Variants in NR5A2 observed in about 807,000 individuals in gnomAD.
NR5A2 encodes the protein CYP7A promoter-binding factor.
NR5A2 carries 26 observed loss-of-function variants against 62.7 expected under a neutral mutation model. The ratio of observed to expected loss-of-function variants is 0.41; its 90% confidence interval spans 0.30 to 0.58. NR5A2 has a LOEUF of 0.58. NR5A2 is among the 20% of genes least tolerant of loss of function. The probability of loss-of-function intolerance (pLI) is 0.22; values close to 1 mark genes in which losing one functional copy is unlikely to be tolerated. For missense variants in NR5A2, 541 were observed against 669.1 expected (o/e 0.81, Z 2.11); for synonymous variants, 246 against 241.7 (o/e 1.02, Z -0.16).
At chr1:200,093,927 C>T (rs1367456519) in intron 5 of NR5A2, among the ~76,000 whole-genome samples, 4 of 152,106 alleles carry the variant, frequency 2.6e-5, no homozygotes, top group African/African-American at 4.8e-5. Flanking sequence ...GAGGCTGAGG[C>T]GGGCGGATCA....
At chr1:200,082,452 A>G (rs768351978) in intron 5 of NR5A2, among the ~76,000 whole-genome samples, 11 of 152,232 alleles carry the variant, frequency 7.2e-5, no homozygotes, top group Admixed American at 2.0e-4. Context: ...AGTACTTTGT[A>G]TCAATTATTT....
intron 5 of NR5A2, among the ~76,000 whole-genome samples, chr1:200,072,413 T>C (rs988335312): frequency 6.6e-6 from 1 of 152,190 alleles, no homozygotes; most frequent in African/African-American, 2.4e-5. Flanking sequence ...ATTTGAATGA[T>C]TTGAGAATGC....
intron 5 of NR5A2, among the ~76,000 whole-genome samples, chr1:200,089,340 G>A (rs1285205861): frequency 1.3e-5 from 2 of 151,408 alleles, no homozygotes; most frequent in Non-Finnish European, 2.9e-5. Context: ...ACAGCCTCCC[G>A]AGTAGAGACT....
intron 2 of NR5A2, 72 bp from the exon 3 acceptor site, chr1:200,043,702 C>CT (rs1279850973): frequency 1.1e-5 from 10 of 948,828 alleles, no homozygotes; most frequent in Non-Finnish European, 1.6e-5. Context: ...CACCAAAATG[C>CT]TTTTTGTTGC....
chr1:200,095,129 GAAAAA>G (rs5780009), intron 5 of NR5A2, among the ~76,000 whole-genome samples: 3 of 147,922 alleles, frequency 2.0e-5, no homozygotes, highest in African/African-American at 7.5e-5. Flanking sequence ...TTAATAAAAA[GAAAAA>G]AAAAAAAAAG....
intron 7 of NR5A2, among the ~76,000 whole-genome samples, chr1:200,137,137 A>ATTTT (rs1194394148): frequency 7.8e-6 from 1 of 127,986 alleles, no homozygotes; most frequent in African/African-American, 2.8e-5. Context: ...GCCTGGCCAG[A>ATTTT]TTTTATTTTA....
intron 6 of NR5A2, among the ~76,000 whole-genome samples, chr1:200,116,956 A>T (rs1215655536): frequency 6.6e-6 from 1 of 152,186 alleles, no homozygotes; most frequent in African/African-American, 2.4e-5. Context: ...GCAACTTATT[A>T]TCTTCTATTA....
Position 200,039,611 on chromosome 1 carries a change from C to G in NR5A2, c.65-47C>G. ...TTGGGTTAGCAGGCATCCCGGTCGC[C>G]CCTTCCTTCTTTTCGCCGGAGTTGA... is the stretch of plus-strand genomic sequence containing the variant. On this transcript the variant is annotated intron_variant, in intron 1 of 7. Transcript: ENST00000367362. This position sits in a 1 kb window ranked among gnomAD's most constrained non-coding sequence, Gnocchi z 5.1. 3 of 1,607,098 alleles carry G rather than the reference C, an allele frequency of 1.9e-6. No homozygotes were observed. Among genetic ancestry groups the G allele is most frequent in the Non-Finnish European group, 2.5e-6 (3 of 1,177,208 alleles).
At chr1:200,135,426 C>T (rs1667173383) in intron 7 of NR5A2, among the ~76,000 whole-genome samples, 1 of 151,882 alleles carries the variant, frequency 6.6e-6, no homozygotes, top group East Asian at 1.9e-4. Flanking sequence ...GAGGCTGAGA[C>T]AGGAGAATCG....
intron 7 of NR5A2, among the ~76,000 whole-genome samples, chr1:200,127,383 C>T (rs749122104): frequency 5.9e-5 from 9 of 151,908 alleles, no homozygotes; most frequent in Non-Finnish European, 1.0e-4. Context: ...GTCCAAAATA[C>T]AGTATCCAAA....
In NR5A2 at chr1:200,159,393, C is replaced by G. The variant is rs571519513; in HGVS notation, c.1379-14570C>G. ...CAGGAGGTATGAAACCAACTCATTGCAAAGATGTCACCCAGGGCCACATCA... is the reference window on the plus strand; with the variant it reads ...CAGGAGGTATGAAACCAACTCATTGGAAAGATGTCACCCAGGGCCACATCA... On this transcript the variant is annotated intron_variant, in intron 7 of 7. Coordinates refer to ENST00000367362, the MANE Select transcript of NR5A2 (RefSeq NM_205860.3). Among the ~76,000 whole-genome samples the G allele has an allele frequency of 5.3e-5, 8 of 152,150 alleles. No homozygotes were observed. The East Asian group carries it at 1.5e-3, about 29-fold the overall frequency.
chr1:200,111,101 T>C, intron 5 of NR5A2, 101 bp from the exon 6 acceptor site: 1 of 1,353,614 alleles, frequency 7.4e-7, no homozygotes, highest in Non-Finnish European at 9.9e-7. Flanking sequence ...CTTGTTTATA[T>C]GTAGTCCTCT....
intron 1 of NR5A2, chr1:200,028,900 G>C (rs1311916823): frequency 4.0e-6 from 1 of 247,484 alleles, no homozygotes; most frequent in Non-Finnish European, 8.2e-6. Flanking sequence ...GTCACAGATT[G>C]CTTTTTTTAT....
At chr1:200,094,642 C>T (rs1664991364) in intron 5 of NR5A2, among the ~76,000 whole-genome samples, 1 of 141,686 alleles carries the variant, frequency 7.1e-6, no homozygotes, top group African/African-American at 2.6e-5. Flanking sequence ...ATGCCATTCT[C>T]CTGCCTCAGC....
intron 7 of NR5A2, among the ~76,000 whole-genome samples, chr1:200,127,980 CA>C (rs1395557209): frequency 6.6e-6 from 1 of 151,564 alleles, no homozygotes; most frequent in African/African-American, 2.4e-5. Flanking sequence ...AAAATAAAAG[CA>C]ATATCTATTG....
At chr1:200,073,449 G>T (rs1663849190) in intron 5 of NR5A2, among the ~76,000 whole-genome samples, 1 of 150,980 alleles carries the variant, frequency 6.6e-6, no homozygotes, top group Non-Finnish European at 1.5e-5. Context: ...CAAGTCTCTG[G>T]TATAAAAATG....
intron 7 of NR5A2, among the ~76,000 whole-genome samples, chr1:200,133,143 C>T (rs1306366460): frequency 1.3e-5 from 2 of 152,120 alleles, no homozygotes; most frequent in Admixed American, 1.3e-4. Context: ...ATTTCTTGGC[C>T]ATCCTTTTCA....
intron 5 of NR5A2, among the ~76,000 whole-genome samples, chr1:200,109,428 C>T (rs1665836398): frequency 6.6e-6 from 1 of 152,186 alleles, no homozygotes; most frequent in African/African-American, 2.4e-5. Context: ...TGCATCTTCA[C>T]AAGACTTGCC....
intron 5 of NR5A2, among the ~76,000 whole-genome samples, chr1:200,094,524 C>CT (rs373809748): frequency 0.19 from 11,535 of 59,528 alleles, 3,776 homozygotes; most frequent in Non-Finnish European, 0.24. Flanking sequence ...TTAAATGCCA[C>CT]TTTTTTTTTT....
Sources: gnomAD v4.1 joint callset for allele counts (sites outside exome capture counted in the v4.1 genomes callset) on GRCh38, gnomAD v4.1.1 for gene constraint, Gnocchi (gnomAD v3.1) non-coding constraint, MANE v1.5 for transcripts, NCBI Gene and HGNC (gene_info 2026-07-23, HGNC 2026-07-21) for gene names.